The following PTPRR variants were observed in gnomAD, a reference collection of about 807,000 sequenced individuals.
PTPRR encodes the protein receptor-type tyrosine-protein phosphatase R.
PTPRR carries 38 observed loss-of-function variants against 77.2 expected under a neutral mutation model. The ratio of observed to expected loss-of-function variants is 0.49; its 90% CI spans 0.38 to 0.65. The LOEUF is 0.65. PTPRR is among the 30% of genes least tolerant of loss of function. PTPRR has a pLI of 0.00. For missense variants in PTPRR, 744 were observed against 799.2 expected (o/e 0.93, Z 0.83); for synonymous variants, 299 against 283.1 (o/e 1.06, Z -0.57).
At chr12:70,917,554 TA>T (rs1317172072) in intron 1 of PTPRR, among the ~76,000 whole-genome samples, 1 of 152,164 alleles carries the variant, frequency 6.6e-6, no homozygotes, top group Non-Finnish European at 1.5e-5. Context: ...CCATGCTTAG[TA>T]ATCCTTTAGT....
chr12:70,906,588 C>G lies in PTPRR; in HGVS notation c.59-13611G>C, dbSNP rs529866048. Among the ~76,000 whole-genome samples the G allele has an allele frequency of 9.2e-5, 14 of 152,022 alleles. No homozygotes were observed. In the South Asian group the frequency reaches 2.9e-3, roughly 32 times the overall value. On this transcript the variant is annotated intron_variant, in intron 1 of 13. Coordinates refer to ENST00000283228, the MANE Select transcript of PTPRR (RefSeq NM_002849.4). The stretch of plus-strand genomic sequence containing the variant: ...TACAGCCTTCCCAAAATATGACAAC[C>G]AATGTTAGTTAGGATAACCTCCCAA...
chr12:70,653,222 G>A (rs867256313), intron 13 of PTPRR, among the ~76,000 whole-genome samples: 2 of 152,288 alleles, frequency 1.3e-5, no homozygotes, highest in Non-Finnish European at 1.5e-5. Flanking sequence ...GGCTGACTGA[G>A]TGCTGCTTCT....
At chr12:70,754,703 A>G in intron 4 of PTPRR, 16 of 1,593,870 alleles carry the variant, frequency 1.0e-5, no homozygotes, top group Non-Finnish European at 1.3e-5. Flanking sequence ...GTGCTGTACT[A>G]CCTCTTTACT....
intron 2 of PTPRR, among the ~76,000 whole-genome samples, chr12:70,846,679 T>C (rs151173969): frequency 1.1e-3 from 164 of 152,148 alleles, no homozygotes; most frequent in African/African-American, 3.4e-3. Flanking sequence ...CCTTCCACCA[T>C]TGAGGATGCA....
chr12:70,698,934 A>C (rs1888327868), intron 7 of PTPRR, among the ~76,000 whole-genome samples: 1 of 152,152 alleles, frequency 6.6e-6, no homozygotes, highest in Non-Finnish European at 1.5e-5. Flanking sequence ...AAGGGCATTC[A>C]AACACTGTTT....
chr12:70,713,831 T>G (rs1341585512), intron 6 of PTPRR, among the ~76,000 whole-genome samples: 2 of 152,166 alleles, frequency 1.3e-5, no homozygotes, highest in Non-Finnish European at 2.9e-5. Flanking sequence ...CTATGAATTG[T>G]CTTTTCACTT....
intron 11 of PTPRR, chr12:70,661,324 T>A: frequency 1.7e-6 from 1 of 585,292 alleles, no homozygotes; most frequent in Non-Finnish European, 3.1e-6. Context: ...GAGATTTACA[T>A]CTCTACCTAT....
At chr12:70,793,378 C>A (rs1891454697) in intron 2 of PTPRR, among the ~76,000 whole-genome samples, 1 of 152,116 alleles carries the variant, frequency 6.6e-6, no homozygotes, top group South Asian at 2.1e-4. Flanking sequence ...ATGGCTTTAT[C>A]ATTTTTAATC....
At chr12:70,642,254 A>T (rs1886031491) in intron 13 of PTPRR, among the ~76,000 whole-genome samples, 1 of 152,114 alleles carries the variant, frequency 6.6e-6, no homozygotes, top group South Asian at 2.1e-4. Flanking sequence ...TTGAATGTGG[A>T]CATTATAGCT....
rs903949075 is a variant in PTPRR at position 70,744,024 on chromosome 12, G to A, written c.1007+1794C>T. On this transcript the variant is annotated intron_variant, in intron 6 of 13. Transcript: ENST00000283228. ...ATAACATGGCCTCCTATTGCCTGCAGACCCTTTCTTGCCACCGGCCCTTCG... is the reference window on the plus strand; with the variant it reads ...ATAACATGGCCTCCTATTGCCTGCAAACCCTTTCTTGCCACCGGCCCTTCG... 2.6e-5 allele frequency among the ~76,000 whole-genome samples: 4 copies of A among 152,130 alleles called. No individual in the cohort carries two copies. In the South Asian group the frequency reaches 6.2e-4, roughly 24 times the overall value.
chr12:70,770,074 A>T (rs1419140005), intron 2 of PTPRR, among the ~76,000 whole-genome samples: 1 of 151,490 alleles, frequency 6.6e-6, no homozygotes, highest in Admixed American at 6.6e-5. Flanking sequence ...AAACCTAGGC[A>T]TTACCATTCA....
chr12:70,755,971 T>C (rs762992848), intron 4 of PTPRR, among the ~76,000 whole-genome samples: 1 of 152,150 alleles, frequency 6.6e-6, no homozygotes, highest in Non-Finnish European at 1.5e-5. Flanking sequence ...ATAGCATCCA[T>C]TGTTTGCTAT....
intron 5 of PTPRR, 26 bp downstream of exon 5, chr12:70,754,165 T>C: frequency 6.2e-7 from 1 of 1,606,652 alleles, no homozygotes; most frequent in Non-Finnish European, 8.5e-7. Context: ...GAGCAAAGGA[T>C]AAAATATACA....
At chr12:70,831,233 T>C (rs568897390) in intron 2 of PTPRR, among the ~76,000 whole-genome samples, 1 of 152,342 alleles carries the variant, frequency 6.6e-6, no homozygotes, top group African/African-American at 2.4e-5. Context: ...AAAGAATAAA[T>C]GTTCAATCTA....
chr12:70,857,510 T>C (rs75474398), intron 2 of PTPRR, among the ~76,000 whole-genome samples: 2 of 152,166 alleles, frequency 1.3e-5, no homozygotes, highest in African/African-American at 2.4e-5. Flanking sequence ...TAATAGAATA[T>C]AAAGTTTTTA....
intron 2 of PTPRR, among the ~76,000 whole-genome samples, chr12:70,825,110 C>T (rs1386524314): frequency 6.6e-6 from 1 of 151,906 alleles, no homozygotes; most frequent in Admixed American, 6.6e-5. Flanking sequence ...TGGTGAAACC[C>T]TGTCTGTACT....
chr12:70,685,792 TTA>T (rs1317970077), intron 8 of PTPRR, among the ~76,000 whole-genome samples: 2 of 152,350 alleles, frequency 1.3e-5, no homozygotes, highest in Admixed American at 6.5e-5. Flanking sequence ...TTTACAGATA[TTA>T]TATCATTTAA....
intron 2 of PTPRR, among the ~76,000 whole-genome samples, chr12:70,786,276 T>C (rs1014755144): frequency 1.3e-5 from 2 of 152,214 alleles, no homozygotes; most frequent in Non-Finnish European, 2.9e-5. Context: ...AGACCATGAT[T>C]ACTTCGAAGA....
chr12:70,916,926 G>A (rs536834873), intron 1 of PTPRR, among the ~76,000 whole-genome samples: 17 of 152,200 alleles, frequency 1.1e-4, no homozygotes, highest in Non-Finnish European at 2.4e-4. Flanking sequence ...CAAAGAGAAA[G>A]CAATGGATTG....
Sources: allele counts gnomAD v4.1 joint callset (sites outside exome capture counted in the v4.1 genomes callset), GRCh38; gene constraint gnomAD v4.1.1; transcripts MANE v1.5; gene names NCBI Gene and HGNC (gene_info 2026-07-23, HGNC 2026-07-21).